The following ATAD2B variants were observed in gnomAD, a reference collection of about 807,000 sequenced individuals.
The protein encoded by ATAD2B is ATPase family AAA domain containing 2B, also known as ATPase family AAA domain-containing protein 2B.
Under a neutral mutation model 167.6 loss-of-function variants are expected in ATAD2B, and 40 were observed. The ratio of observed to expected loss-of-function variants is 0.24; its 90% CI spans 0.19 to 0.31. ATAD2B has a LOEUF of 0.31. ATAD2B is among the 10% of genes least tolerant of loss of function. ATAD2B has a pLI of 1.00. For synonymous variants in ATAD2B, 579 were observed against 596.5 expected, an observed-to-expected ratio of 0.97 and a Z score of 0.43; for missense variants, 1,242 against 1,757.2, an observed-to-expected ratio of 0.71 and a Z score of 5.24.
intron 7 of ATAD2B, among the ~76,000 whole-genome samples, chr2:23,877,899 AT>A (rs1224354917): frequency 4.7e-5 from 7 of 150,298 alleles, no homozygotes; most frequent in Non-Finnish European, 7.4e-5. Context: ...TTACAAAAAA[AT>A]TTTTTTTTAA....
chr2:23,779,957 T>C (rs1486252735), intron 22 of ATAD2B, among the ~76,000 whole-genome samples: 2 of 152,210 alleles, frequency 1.3e-5, no homozygotes, highest in Non-Finnish European at 2.9e-5. Flanking sequence ...CTATAAGATA[T>C]ATATAAGCTG....
At chr2:23,863,156 A>C (rs1426661282) in intron 12 of ATAD2B, among the ~76,000 whole-genome samples, 1 of 152,142 alleles carries the variant, frequency 6.6e-6, no homozygotes, top group Non-Finnish European at 1.5e-5. Flanking sequence ...AAATACAAAA[A>C]TCAGCCAGGC....
At chr2:23,747,347 T>C (rs1056756663), downstream of ATAD2B, among the ~76,000 whole-genome samples, 2 of 151,186 alleles carry the variant, frequency 1.3e-5, no homozygotes, top group South Asian at 2.1e-4. Flanking sequence ...ACATACATAG[T>C]ATGTATATTA....
intron 22 of ATAD2B, among the ~76,000 whole-genome samples, chr2:23,781,815 C>A (rs901446566): frequency 7.0e-6 from 1 of 142,474 alleles, no homozygotes; most frequent in African/African-American, 2.6e-5. Context: ...CTTTTCTTTC[C>A]TTTCCTTTTT....
the ATAD2B span, among the ~76,000 whole-genome samples, chr2:23,681,426 G>C: frequency 1.3e-5 from 2 of 152,174 alleles, no homozygotes; most frequent in African/African-American, 4.8e-5. This position sits in a 1 kb window ranked among gnomAD's most constrained non-coding sequence, Gnocchi z 4.2. Flanking sequence ...GCCGGGGCTG[G>C]GGCTTTAGAT....
At chr2:23,805,304 TC>T (rs1684191132) in intron 18 of ATAD2B, among the ~76,000 whole-genome samples, 1 of 152,272 alleles carries the variant, frequency 6.6e-6, no homozygotes, top group South Asian at 2.1e-4. Context: ...TTCCCAATCT[TC>T]CAGATTCCTT....
intron 1 of ATAD2B, among the ~76,000 whole-genome samples, chr2:23,912,238 T>C (rs939348971): frequency 1.3e-5 from 2 of 152,138 alleles, no homozygotes; most frequent in African/African-American, 4.8e-5. Flanking sequence ...GACTCATACC[T>C]GTGATCCAAG....
At chr2:23,861,113 T>C (rs923244404) in intron 12 of ATAD2B, among the ~76,000 whole-genome samples, 2 of 151,346 alleles carry the variant, frequency 1.3e-5, no homozygotes, top group African/African-American at 4.8e-5. Flanking sequence ...TATTTTTATA[T>C]ACATGAAACA....
chr2:23,911,542 G>A (rs1238325228), intron 1 of ATAD2B, among the ~76,000 whole-genome samples: 1 of 149,106 alleles, frequency 6.7e-6, no homozygotes, highest in Non-Finnish European at 1.5e-5. Context: ...ATGACAGGGT[G>A]AGATCTTATC....
chr2:23,682,235 G>T, the ATAD2B span, among the ~76,000 whole-genome samples: 1 of 152,132 alleles, frequency 6.6e-6, no homozygotes, highest in Admixed American at 6.5e-5. The surrounding 1 kb of genome is among the most constrained non-coding windows in gnomAD (Gnocchi z 4.1). Flanking sequence ...GTCACCATCA[G>T]CAGCACTGCA....
the ATAD2B span, chr2:23,690,544 C>CGA: frequency 6.6e-6 from 1 of 152,280 alleles, no homozygotes; most frequent in Non-Finnish European, 1.5e-5. Context: ...TCCTGAGAAG[C>CGA]GAGTGAGTGG....
chr2:23,764,061 T>C (rs1394143097), intron 23 of ATAD2B, among the ~76,000 whole-genome samples: 1 of 152,234 alleles, frequency 6.6e-6, no homozygotes, highest in East Asian at 1.9e-4. Flanking sequence ...AATGCTCCTA[T>C]GAACATACAA....
intron 25 of ATAD2B, chr2:23,755,051 A>G (rs1481867341): frequency 2.6e-5 from 6 of 226,666 alleles, no homozygotes; most frequent in Non-Finnish European, 5.2e-5. Flanking sequence ...GATAAAAGCA[A>G]TCTTCACCTC....
At chr2:23,922,680 C>T (rs1247308611) in intron 1 of ATAD2B, among the ~76,000 whole-genome samples, 6 of 137,080 alleles carry the variant, frequency 4.4e-5, no homozygotes, top group South Asian at 4.8e-4. Context: ...CCAGCCTGGG[C>T]ATCAGAGTAA....
At chr2:23,892,284 C>A (rs1699623578) in intron 2 of ATAD2B, among the ~76,000 whole-genome samples, 1 of 152,166 alleles carries the variant, frequency 6.6e-6, no homozygotes, top group Admixed American at 6.5e-5. Flanking sequence ...CTGCCTCAGC[C>A]TCCTGAGTAG....
rs763949817 is a variant in ATAD2B, at chr2:23,782,978, T to C, written c.3024A>G (p.Val1008=). 1.3e-6 allele frequency: 2 copies of C among 1,582,568 alleles called. No homozygotes were observed. The highest frequency in any genetic ancestry group is 1.1e-5 in the South Asian group (1 of 89,938). The stretch of plus-strand genomic sequence containing the variant: ...AATTATGTTTATCAATTTTAGTTAT[T>C]ACTGTTGATAAGTCCATTGGTTCCT... ...VIKEPMDLST[V]ITKIDKHNYL... is the part of the protein sequence containing the mutation. Residue 1008 remains valine (V), a synonymous_variant, in exon 22 of 28, where the codon GTA becomes GTG. Coordinates refer to ENST00000238789, the MANE Select transcript of ATAD2B (RefSeq NM_017552.4).
chr2:23,806,541 C>A (rs551764660), intron 18 of ATAD2B, among the ~76,000 whole-genome samples: 1 of 152,092 alleles, frequency 6.6e-6, no homozygotes, highest in Non-Finnish European at 1.5e-5. Flanking sequence ...ATTCTCCTTG[C>A]TACTCTCATA....
At chr2:23,905,822 G>GTTAGATAC (rs1466580166) in intron 1 of ATAD2B, among the ~76,000 whole-genome samples, 3 of 152,056 alleles carry the variant, frequency 2.0e-5, no homozygotes, top group Non-Finnish European at 4.4e-5. Flanking sequence ...CTGTTTTTGT[G>GTTAGATAC]TTAGATACTA....
At chr2:23,867,642 T>C (rs964846816) in intron 10 of ATAD2B, among the ~76,000 whole-genome samples, 193 bp downstream of exon 10, 5 of 152,198 alleles carry the variant, frequency 3.3e-5, no homozygotes, top group African/African-American at 1.2e-4. Context: ...TGTTACATAT[T>C]CCAGTAACAC....
Sources: gnomAD v4.1 joint callset for allele counts (sites outside exome capture counted in the v4.1 genomes callset) on GRCh38, gnomAD v4.1.1 for gene constraint, Gnocchi (gnomAD v3.1) non-coding constraint, MANE v1.5 for transcripts, NCBI Gene and HGNC (gene_info 2026-07-23, HGNC 2026-07-21) for gene names.